Variants in ATAD5 observed in about 807,000 individuals in gnomAD.
ATAD5 encodes the protein ATPase family AAA domain containing 5.
Under a neutral mutation model 176.9 loss-of-function variants are expected in ATAD5, and 58 were observed. The observed-to-expected ratio is 0.33, with a 90% CI of 0.27 to 0.41. The LOEUF is 0.41. Ranked by LOEUF, ATAD5 falls within the 10% of genes least tolerant of loss-of-function variation. The pLI is 1.00. For missense variants in ATAD5, 1,789 were observed against 2,094.1 expected (o/e 0.85, Z 2.84); for synonymous variants, 640 against 712.6 (o/e 0.90, Z 1.62).
intron 1 of ATAD5, among the ~76,000 whole-genome samples, 177 bp from the exon 2 acceptor site, chr17:30,833,971 C>T (rs547924212): frequency 3.3e-5 from 5 of 152,266 alleles, no homozygotes; most frequent in South Asian, 4.1e-4. Flanking sequence ...CGTGAGCCAC[C>T]GCACCTGGCC....
intron 3 of ATAD5, among the ~76,000 whole-genome samples, chr17:30,839,788 T>C (rs1490701289): frequency 1.3e-5 from 2 of 151,444 alleles, no homozygotes; most frequent in African/African-American, 4.8e-5. Flanking sequence ...TTCGCCATGT[T>C]GACCCAGGGA....
At chr17:30,858,818 C>T (rs561719139) in intron 9 of ATAD5, among the ~76,000 whole-genome samples, 2 of 152,280 alleles carry the variant, frequency 1.3e-5, no homozygotes, top group South Asian at 4.1e-4. Context: ...GTAGCTGGGA[C>T]CACAGGCTTG....
At chr17:30,832,547 CAT>C in intron 1 of ATAD5, 134 bp downstream of exon 1, 1 of 838,348 alleles carries the variant, frequency 1.2e-6, no homozygotes, top group Non-Finnish European at 1.7e-6. Context: ...AGCTGTGACA[CAT>C]TGTGTGCAAC....
At chr17:30,881,387 A>G (rs1420632994) in intron 18 of ATAD5, among the ~76,000 whole-genome samples, 3 of 151,796 alleles carry the variant, frequency 2.0e-5, no homozygotes, top group African/African-American at 4.8e-5. Context: ...ACAACCTCCA[A>G]CTCCTGGGTT....
intron 14 of ATAD5, among the ~76,000 whole-genome samples, chr17:30,872,756 C>G (rs1908414583): frequency 6.6e-6 from 1 of 152,002 alleles, no homozygotes; most frequent in African/African-American, 2.4e-5. Flanking sequence ...CAGGGTTTCA[C>G]TATGTTGGCC....
intron 5 of ATAD5, 91 bp from the exon 6 acceptor site, chr17:30,844,744 T>G: frequency 1.3e-6 from 1 of 742,180 alleles, no homozygotes. Flanking sequence ...TGAGACTCCA[T>G]CTCAAAAAAA....
rs1459888124 is a variant in ATAD5, at chr17:30,895,651, C to G, written c.*738C>G. On this transcript the variant is annotated 3_prime_UTR_variant, in exon 23 of 23. Transcript: ENST00000321990. ...TAACTCCTGACCTCAAGTGATCCATCTGCCTCGGCCTCCCAAAGTGCTGGG... is the reference window on the plus strand; with the variant it reads ...TAACTCCTGACCTCAAGTGATCCATGTGCCTCGGCCTCCCAAAGTGCTGGG... 1.3e-5 allele frequency: 2 copies of G among 152,406 alleles called. No homozygotes were observed. The highest frequency in any genetic ancestry group is 2.9e-5 in the Non-Finnish European group (2 of 68,218). 9.4% of individuals were successfully genotyped at this position (152,406 alleles called of 1,614,324 possible).
intron 19 of ATAD5, among the ~76,000 whole-genome samples, chr17:30,887,611 C>G (rs761359583): frequency 7.2e-5 from 11 of 151,866 alleles, no homozygotes; most frequent in Non-Finnish European, 1.5e-4. Flanking sequence ...GAGTTCAAAA[C>G]CAGCCTGCGC....
At chr17:30,848,617 AACC>A (rs1906677132) in intron 6 of ATAD5, among the ~76,000 whole-genome samples, 1 of 152,144 alleles carries the variant, frequency 6.6e-6, no homozygotes, top group Non-Finnish European at 1.5e-5. Context: ...CACCCAGTGA[AACC>A]ACCATAATCA....
chr17:30,837,390 T>TTCCC, intron 3 of ATAD5, 76 bp downstream of exon 3: 1 of 963,880 alleles, frequency 1.0e-6, no homozygotes, highest in Non-Finnish European at 1.6e-6. Context: ...CCCACATTAC[T>TTCCC]ATGGGAAGTA....
chr17:30,840,611 G>A lies in ATAD5; in HGVS notation c.2077-6G>A. On this transcript the variant is annotated splice_polypyrimidine_tract_variant and splice_region_variant and intron_variant, in intron 3 of 22. Transcript: ENST00000321990. ...ATGTAAATTAATGTTTCAATTTTTTGTTTAGGCAAGCAATACTTCAAAAAA... is the reference window on the plus strand; with the variant it reads ...ATGTAAATTAATGTTTCAATTTTTTATTTAGGCAAGCAATACTTCAAAAAA... 2.0e-6 allele frequency: 3 copies of A among 1,465,524 alleles called. No individual in the cohort carries two copies. Among genetic ancestry groups the A allele is most frequent in the Non-Finnish European group, 2.7e-6 (3 of 1,098,892 alleles). 90.8% of individuals were successfully genotyped at this position (1,465,524 alleles called of 1,614,324 possible). A position where few individuals can be genotyped will look rare whatever the true frequency, so the allele number is the denominator to read the frequency against.
rs1294511026 is a variant in ATAD5, at chr17:30,892,744, A to C, written c.4396A>C (p.Lys1466Gln). The C allele has an allele frequency of 6.3e-7, 1 of 1,579,386 alleles. No homozygotes were observed. The highest frequency in any genetic ancestry group is 2.3e-5 in the East Asian group (1 of 43,240). Residue 1466 changes from lysine to glutamine, a missense_variant, in exon 20 of 23, where the codon AAG becomes CAG. Physicochemically the swap from Lys to Gln is moderately conservative, Grantham distance 53. Transcript: ENST00000321990. ...SGCAETLFGL[K>Q]NIFSPSEDLF... ...CTGTGCTGAGACCTTGTTTGGCCTT[A>C]AGAACATTTTTTCCCCATCTGAAGA...
At chr17:30,887,824 G>T (rs1909402685) in intron 19 of ATAD5, among the ~76,000 whole-genome samples, 1 of 151,910 alleles carries the variant, frequency 6.6e-6, no homozygotes, top group Non-Finnish European at 1.5e-5. Context: ...TCTAAAAAAA[G>T]AAAAAATTAT....
At chr17:30,875,175 G>A (rs879539136) in intron 14 of ATAD5, among the ~76,000 whole-genome samples, 3 of 152,108 alleles carry the variant, frequency 2.0e-5, no homozygotes, top group Non-Finnish European at 4.4e-5. Context: ...CTGTTCTGAG[G>A]CCATACAGTA....
chr17:30,844,968 G>A (rs763142152), intron 6 of ATAD5, 52 bp downstream of exon 6: 7 of 1,397,420 alleles, frequency 5.0e-6, no homozygotes, highest in Non-Finnish European at 6.9e-6. Flanking sequence ...GAATGTATTT[G>A]TATTGATGTG....
At chr17:30,847,299 C>G (rs1399045399) in intron 6 of ATAD5, among the ~76,000 whole-genome samples, 1 of 151,570 alleles carries the variant, frequency 6.6e-6, no homozygotes, top group African/African-American at 2.4e-5. Flanking sequence ...TTAAGTAGTA[C>G]TCATATGAAT....
chr17:30,888,418 T>A (rs1909434962), intron 19 of ATAD5, among the ~76,000 whole-genome samples: 1 of 151,842 alleles, frequency 6.6e-6, no homozygotes. Flanking sequence ...GTGGTGCGTG[T>A]CTGTGGTCCT....
At chr17:30,888,108 G>T (rs1016176733) in intron 19 of ATAD5, among the ~76,000 whole-genome samples, 2 of 151,808 alleles carry the variant, frequency 1.3e-5, no homozygotes, top group African/African-American at 4.8e-5. Flanking sequence ...ACTGGGATTA[G>T]AGGCGTGAGC....
rs1392137040 is a variant in ATAD5, at chr17:30,832,209, G to A, written c.-139G>A. ...GCCTCCGCTCCCGCTCTCTGTCGGTGGGCGCGGGGGAATCCGAAACGGCTC... is the reference window on the plus strand; with the variant it reads ...GCCTCCGCTCCCGCTCTCTGTCGGTAGGCGCGGGGGAATCCGAAACGGCTC... On this transcript the variant is annotated 5_prime_UTR_variant, in exon 1 of 23. Transcript: ENST00000321990. The A allele has an allele frequency of 7.1e-6, 4 of 562,690 alleles. No homozygotes were observed. Among genetic ancestry groups the A allele is most frequent in the Non-Finnish European group, 1.1e-5 (4 of 350,624 alleles). The allele number at this position is 562,690 out of a possible 1,614,324, so 34.9% of individuals were successfully genotyped here. A position where few individuals can be genotyped will look rare whatever the true frequency, so the allele number is the denominator to read the frequency against.
Sources: gnomAD v4.1 joint callset for allele counts (sites outside exome capture counted in the v4.1 genomes callset) on GRCh38, gnomAD v4.1.1 for gene constraint, MANE v1.5 for transcripts, NCBI Gene and HGNC (gene_info 2026-07-23, HGNC 2026-07-21) for gene names.